Variants in GABRB2 observed in about 807,000 individuals in gnomAD.
GABRB2 encodes the protein gamma-aminobutyric acid receptor subunit beta-2.
GABRB2 carries 16 observed loss-of-function variants against 54.7 expected under a neutral mutation model. That is an observed-to-expected ratio of 0.29 (90% CI 0.20 to 0.44). GABRB2 has a LOEUF of 0.44. Ranked by LOEUF, GABRB2 falls within the 20% of genes least tolerant of loss-of-function variation. GABRB2 has a pLI of 1.00. For synonymous variants in GABRB2, 244 were observed against 233.8 expected, an observed-to-expected ratio of 1.04 and a Z score of -0.40; for missense variants, 355 against 644.0, an observed-to-expected ratio of 0.55 and a Z score of 4.86.
intron 9 of GABRB2, among the ~76,000 whole-genome samples, chr5:161,324,549 C>T (rs181646694): frequency 6.6e-6 from 1 of 152,224 alleles, no homozygotes; most frequent in East Asian, 1.9e-4. Context: ...AAAGGTTAAA[C>T]ATGTCTAATG....
At chr5:161,529,450 G>A (rs185114313) in intron 3 of GABRB2, among the ~76,000 whole-genome samples, 3 of 151,946 alleles carry the variant, frequency 2.0e-5, no homozygotes, top group African/African-American at 7.2e-5. Flanking sequence ...GAGAAAAATC[G>A]GGCCCAAATC....
At chr5:161,448,442 A>G (rs917772193) in intron 4 of GABRB2, among the ~76,000 whole-genome samples, 1 of 152,144 alleles carries the variant, frequency 6.6e-6, no homozygotes, top group African/African-American at 2.4e-5. Flanking sequence ...TCAATCGAGC[A>G]GAAAACCTGT....
At chr5:161,326,265 C>A in intron 9 of GABRB2, 103 bp downstream of exon 9, 1 of 1,507,428 alleles carries the variant, frequency 6.6e-7, no homozygotes, top group South Asian at 1.2e-5. Context: ...GATACATGTT[C>A]ATAGGTTATC....
chr5:161,356,573 C>T (rs527827417), intron 5 of GABRB2, among the ~76,000 whole-genome samples: 61 of 152,168 alleles, frequency 4.0e-4, no homozygotes, highest in African/African-American at 1.4e-3. Flanking sequence ...GAGAGTGAGT[C>T]AGTTCATTCA....
chr5:161,544,141 A>G (rs1760899222), intron 3 of GABRB2, among the ~76,000 whole-genome samples: 1 of 152,214 alleles, frequency 6.6e-6, no homozygotes, highest in East Asian at 1.9e-4. Context: ...CTAATTTTCA[A>G]GTCCTGAGGG....
intron 5 of GABRB2, among the ~76,000 whole-genome samples, chr5:161,375,613 T>G (rs1755270433): frequency 2.0e-5 from 3 of 152,186 alleles, no homozygotes. Context: ...ACGAGGCTTT[T>G]GGAGTCAAAC....
At chr5:161,407,099 A>C (rs1339408184) in intron 5 of GABRB2, among the ~76,000 whole-genome samples, 1 of 152,112 alleles carries the variant, frequency 6.6e-6, no homozygotes, top group African/African-American at 2.4e-5. Flanking sequence ...AGTTTAGAGA[A>C]TTCCTTCTTC....
intron 4 of GABRB2, among the ~76,000 whole-genome samples, chr5:161,441,388 T>C (rs889094900): frequency 3.3e-5 from 5 of 152,130 alleles, no homozygotes; most frequent in Non-Finnish European, 7.4e-5. Context: ...GAAATGCAAT[T>C]CAAAACTACA....
chr5:161,361,593 A>T (rs890950242), intron 5 of GABRB2, among the ~76,000 whole-genome samples: 4 of 152,220 alleles, frequency 2.6e-5, no homozygotes, highest in Non-Finnish European at 5.9e-5. Context: ...GAAATAAGGA[A>T]AAAAGACAAG....
chr5:161,436,785 C>T (rs1307079668), intron 4 of GABRB2, among the ~76,000 whole-genome samples: 4 of 152,142 alleles, frequency 2.6e-5, no homozygotes, highest in African/African-American at 9.7e-5. Context: ...CCTCCCCATC[C>T]CTAGCTGTCT....
At chr5:161,354,296 A>G (rs1203019882) in intron 5 of GABRB2, among the ~76,000 whole-genome samples, 1 of 152,064 alleles carries the variant, frequency 6.6e-6, no homozygotes, top group African/African-American at 2.4e-5. Flanking sequence ...AGTTTGAAAC[A>G]TTCCTTAAAA....
At chr5:161,439,665 A>G (rs990858387) in intron 4 of GABRB2, among the ~76,000 whole-genome samples, 23 of 152,348 alleles carry the variant, frequency 1.5e-4, no homozygotes, top group African/African-American at 5.5e-4. Flanking sequence ...AGGGGGACGA[A>G]GCTAAAGAGT....
intron 3 of GABRB2, among the ~76,000 whole-genome samples, chr5:161,465,699 G>T: frequency 6.6e-6 from 1 of 151,226 alleles, no homozygotes. Flanking sequence ...TTTTTTATTT[G>T]GACATTTACT....
chr5:161,295,144 G>A (rs921024808), intron 9 of GABRB2, among the ~76,000 whole-genome samples: 1 of 152,206 alleles, frequency 6.6e-6, no homozygotes, highest in African/African-American at 2.4e-5. Context: ...CTGTTGGTGG[G>A]GAGGGCTGAG....
At chr5:161,367,857 T>G (rs1451248609) in intron 5 of GABRB2, among the ~76,000 whole-genome samples, 1 of 152,156 alleles carries the variant, frequency 6.6e-6, no homozygotes, top group Non-Finnish European at 1.5e-5. Context: ...CAACATTAAA[T>G]GTCTCTTCCA....
chr5:161,441,438 CA>C (rs1424993046), intron 4 of GABRB2, among the ~76,000 whole-genome samples: 2 of 151,988 alleles, frequency 1.3e-5, no homozygotes, highest in African/African-American at 2.4e-5. Flanking sequence ...GGCTTATATC[CA>C]AAAGACAAGC....
At chr5:161,309,492 C>G (rs377270118) in intron 9 of GABRB2, among the ~76,000 whole-genome samples, 2 of 152,132 alleles carry the variant, frequency 1.3e-5, no homozygotes, top group South Asian at 2.1e-4. Context: ...CTTGACCCAG[C>G]AATCCTATTA....
intron 9 of GABRB2, among the ~76,000 whole-genome samples, chr5:161,302,719 A>G (rs930609634): frequency 2.0e-5 from 3 of 152,208 alleles, no homozygotes; most frequent in African/African-American, 7.2e-5. Context: ...ATGCTTAAGC[A>G]ATGGACTGTT....
intron 3 of GABRB2, among the ~76,000 whole-genome samples, chr5:161,525,743 C>A (rs907384412): frequency 6.6e-6 from 1 of 151,274 alleles, no homozygotes; most frequent in African/African-American, 2.4e-5. Context: ...TTCAAACTGA[C>A]ACAAGTGGCA....
Sources: gnomAD v4.1 joint callset for allele counts (sites outside exome capture counted in the v4.1 genomes callset) on GRCh38, gnomAD v4.1.1 for gene constraint, MANE v1.5 for transcripts, NCBI Gene and HGNC (gene_info 2026-07-23, HGNC 2026-07-21) for gene names.